Variants in NPHP1 observed in about 807,000 individuals in gnomAD.
NPHP1 encodes the protein nephrocystin-1.
Under a neutral mutation model 90.4 loss-of-function variants are expected in NPHP1, and 70 were observed. The ratio of observed to expected loss-of-function variants is 0.77; its 90% CI spans 0.64 to 0.95. The LOEUF (loss-of-function observed/expected upper bound fraction) is 0.95, where lower values mean the gene tolerates loss of function less well. Among genes scored for constraint, NPHP1 ranks in the 40% least tolerant of loss-of-function variants. NPHP1 has a pLI of 0.00. For synonymous variants in NPHP1, 256 were observed against 271.7 expected (o/e 0.94, Z 0.57); for missense variants, 764 against 795.9 (o/e 0.96, Z 0.48).
chr2:110,180,831 A>G (rs1683852720), intron 2 of NPHP1, among the ~76,000 whole-genome samples: 1 of 152,166 alleles, frequency 6.6e-6, no homozygotes, highest in Non-Finnish European at 1.5e-5. Context: ...ACAGATCAGG[A>G]GATCTCCTGA....
intron 14 of NPHP1, 121 bp downstream of exon 14, chr2:110,146,632 A>G (rs1210789758): frequency 1.3e-6 from 1 of 751,574 alleles, no homozygotes; most frequent in African/African-American, 1.7e-5. Flanking sequence ...TAAAGTCAAC[A>G]TAAAAAGTCC....
At chr2:110,134,203 G>C (rs927363926) in intron 16 of NPHP1, among the ~76,000 whole-genome samples, 1 of 151,974 alleles carries the variant, frequency 6.6e-6, no homozygotes, top group African/African-American at 2.4e-5. Flanking sequence ...ATGTGTAAGA[G>C]AGTACTATAA....
At chr2:110,194,422 T>G (rs190579347) in intron 2 of NPHP1, among the ~76,000 whole-genome samples, 3,672 of 152,104 alleles carry the variant, frequency 0.024, 92 homozygotes, top group Non-Finnish European at 0.035. Flanking sequence ...ATGGATAAAT[T>G]CCTCGACAAA....
chr2:110,152,660 T>G (rs1410909002), intron 11 of NPHP1, among the ~76,000 whole-genome samples: 3 of 139,370 alleles, frequency 2.2e-5, no homozygotes, highest in Non-Finnish European at 3.1e-5. Context: ...CCTAAGCAAG[T>G]AGGAGGACAA....
chr2:110,125,480 C>T, intron 19 of NPHP1, 157 bp downstream of exon 19: 1 of 1,126,784 alleles, frequency 8.9e-7, no homozygotes, highest in Non-Finnish European at 1.3e-6. Context: ...GCGTAACCCT[C>T]TTGGAATGTG....
intron 2 of NPHP1, among the ~76,000 whole-genome samples, chr2:110,181,179 T>TG (rs1683881911): frequency 1.3e-5 from 2 of 152,152 alleles, no homozygotes; most frequent in Admixed American, 1.3e-4. Flanking sequence ...CTGCTATCTC[T>TG]GGGGTTCAGT....
At chr2:110,125,738 C>T (rs1679310224) in intron 18 of NPHP1, 57 bp from the exon 19 acceptor site, 6 of 1,387,530 alleles carry the variant, frequency 4.3e-6, no homozygotes, top group Admixed American at 1.7e-5. Flanking sequence ...CCTTGCAACA[C>T]TTATGCAAAT....
Position 110,124,005 on chromosome 2 carries a change from G to C in NPHP1, c.1820C>G (p.Pro607Arg). The change falls in exon 20 of 20, where the codon CCA becomes CGA. Residue 607 changes from proline (P) to arginine (R), a missense_variant. Physicochemically the swap from Pro to Arg is moderately radical, Grantham distance 103 (BLOSUM62 -2). Coordinates refer to ENST00000445609, the MANE Select transcript of NPHP1 (RefSeq NM_001128178.3). The part of the protein sequence containing the change: ...FLLVYHDCVL[P>R]LLHSTRLPPF... ...GGGTAGGCGTGTGGAGTGGAGAAGTGGGAGCACGCAGTCATGGTAAACCAG... is the reference window on the plus strand; with the variant it reads ...GGGTAGGCGTGTGGAGTGGAGAAGTCGGAGCACGCAGTCATGGTAAACCAG... The C allele has an allele frequency of 6.2e-7, 1 of 1,614,038 alleles. No individual in the cohort carries two copies. The highest frequency in any genetic ancestry group is 1.1e-5 in the South Asian group (1 of 91,078).
intron 16 of NPHP1, among the ~76,000 whole-genome samples, chr2:110,139,805 C>CG (rs1420927764): frequency 4.6e-5 from 7 of 152,118 alleles, no homozygotes; most frequent in Non-Finnish European, 7.4e-5. Context: ...AGGATAGAGG[C>CG]GGGGCGTGCC....
intron 11 of NPHP1, among the ~76,000 whole-genome samples, 168 bp from the exon 12 acceptor site, chr2:110,150,424 G>C (rs547460894): frequency 6.6e-6 from 1 of 152,070 alleles, no homozygotes; most frequent in East Asian, 1.9e-4. Flanking sequence ...TTTTATATCA[G>C]GTATGACATA....
chr2:110,133,205 G>A (rs1026219566), intron 16 of NPHP1, among the ~76,000 whole-genome samples: 1 of 151,708 alleles, frequency 6.6e-6, no homozygotes, highest in African/African-American at 2.4e-5. Flanking sequence ...GAAAGTGAAA[G>A]AACAGAAAAA....
At chr2:110,154,896 G>A (rs902851530) in intron 11 of NPHP1, among the ~76,000 whole-genome samples, 1 of 152,106 alleles carries the variant, frequency 6.6e-6, no homozygotes, top group African/African-American at 2.4e-5. Flanking sequence ...AATTCAAGCC[G>A]GCTGCAGAAA....
At chr2:110,132,568 C>T (rs547466223) in intron 16 of NPHP1, among the ~76,000 whole-genome samples, 9 of 152,224 alleles carry the variant, frequency 5.9e-5, no homozygotes, top group African/African-American at 1.4e-4. Context: ...GCAGAAGAAT[C>T]CCTTGAGCCT....
rs147974574 is a variant in NPHP1, at chr2:110,179,444, AT to A, written c.204+179del. On this transcript the variant is annotated intron_variant, in intron 3 of 19. Transcript: ENST00000445609. ...CATTTTTCGGTAGTTGGAGCCCTGG[AT>A]TTTGCTTTGCTCCCAAGCACAGACT... 2.6e-5 allele frequency among the ~76,000 whole-genome samples: 4 copies of A among 152,276 alleles called. No homozygotes were observed. The South Asian group carries it at 8.3e-4, about 32-fold the overall frequency.
At position 110,150,162 on chromosome 2, in the gene NPHP1, T is replaced by A; in HGVS notation, c.1158+20A>T. 1 of 1,583,456 alleles carries A rather than the reference T, an allele frequency of 6.3e-7. No individual in the cohort carries two copies. The highest frequency in any genetic ancestry group is 8.7e-7 in the Non-Finnish European group (1 of 1,152,034). ...CTACTTTGAAATTCACTCACTCCAC[T>A]CATTCAGCAGATTACTTACCTGGGG... On this transcript the variant is annotated intron_variant, in intron 12 of 19. Coordinates refer to ENST00000445609, the MANE Select transcript of NPHP1 (RefSeq NM_001128178.3).
intron 18 of NPHP1, chr2:110,128,723 G>A (rs770844638): frequency 2.3e-4 from 48 of 208,116 alleles, no homozygotes; most frequent in Non-Finnish European, 4.3e-4. Flanking sequence ...TAAACCATAT[G>A]AAACTGCCAC....
In NPHP1 at chr2:110,160,218, G is replaced by A. The variant is rs749745570; in HGVS notation, c.992C>T (p.Thr331Ile). The A allele has an allele frequency of 1.9e-6, 3 of 1,611,474 alleles. No individual in the cohort carries two copies. Among genetic ancestry groups the A allele is most frequent in the South Asian group, 2.2e-5 (2 of 91,038 alleles). Residue 331 changes from threonine (T) to isoleucine (I), a missense_variant, in exon 11 of 20, where the codon ACA becomes ATA. By Grantham distance (89) the Thr-to-Ile change is moderately conservative. Transcript: ENST00000445609. Reference sequence around the variant, plus strand: ...AGGAATCATTTTACAGCTCCATAATGTCAGAATCAATGAAATACGACTTGG... The same window carrying A: ...AGGAATCATTTTACAGCTCCATAATATCAGAATCAATGAAATACGACTTGG... ...SRPSRISLIL[T>I]LWSCKMIPLP...
chr2:110,197,935 T>C (rs1009736311), intron 2 of NPHP1, among the ~76,000 whole-genome samples: 2 of 152,130 alleles, frequency 1.3e-5, no homozygotes, highest in African/African-American at 2.4e-5. Context: ...TATAACTATG[T>C]AATTATTAAA....
At chr2:110,198,215 C>T (rs1275880915) in intron 2 of NPHP1, among the ~76,000 whole-genome samples, 2 of 151,892 alleles carry the variant, frequency 1.3e-5, no homozygotes, top group East Asian at 3.9e-4. Flanking sequence ...TCTGCCAGGC[C>T]GAAAACTCTA....
Sources: gnomAD v4.1 joint callset for allele counts (sites outside exome capture counted in the v4.1 genomes callset) on GRCh38, gnomAD v4.1.1 for gene constraint, MANE v1.5 for transcripts, NCBI Gene and HGNC (gene_info 2026-07-23, HGNC 2026-07-21) for gene names.